Variants in ZBTB7C observed in about 807,000 individuals in gnomAD.
ZBTB7C encodes zinc finger and BTB domain-containing protein 7C.
ZBTB7C carries 8 observed loss-of-function variants against 25.7 expected under a neutral mutation model. That is an observed-to-expected ratio of 0.31 (90% CI 0.18 to 0.56). The LOEUF (loss-of-function observed/expected upper bound fraction) is 0.56, where lower values mean the gene tolerates loss of function less well. Among genes scored for constraint, ZBTB7C ranks in the 20% least tolerant of loss-of-function variants. The probability of loss-of-function intolerance (pLI) is 0.91; values close to 1 mark genes in which losing one functional copy is unlikely to be tolerated. For synonymous variants in ZBTB7C, 394 were observed against 369.0 expected, an observed-to-expected ratio of 1.07 and a Z score of -0.78; for missense variants, 824 against 855.2, an observed-to-expected ratio of 0.96 and a Z score of 0.46.
chr18:48,140,526 G>A (rs73955212), intron 3 of ZBTB7C, among the ~76,000 whole-genome samples: 82 of 152,334 alleles, frequency 5.4e-4, no homozygotes, highest in African/African-American at 1.7e-3. Flanking sequence ...TGGGGTTCAA[G>A]CTCTGGCTCT....
chr18:48,224,615 G>A lies in ZBTB7C; in HGVS notation c.-78-38620C>T, dbSNP rs149382391. ...TTTCCAGAACTCTGTTCCAGTACTG[G>A]GTGCTGATATGAGGGGCTCTGTCTG... On this transcript the variant is annotated intron_variant, in intron 2 of 4. Transcript: ENST00000590800. Among the ~76,000 whole-genome samples the A allele has an allele frequency of 2.1e-3, 314 of 152,238 alleles. 1 individual carries two copies. Among genetic ancestry groups the A allele is most frequent in the African/African-American group, 7.3e-3 (304 of 41,552 alleles).
At chr18:48,380,944 C>T (rs2047622522) in intron 1 of ZBTB7C, among the ~76,000 whole-genome samples, 1 of 152,122 alleles carries the variant, frequency 6.6e-6, no homozygotes, top group Non-Finnish European at 1.5e-5. Context: ...CTCCTACCAC[C>T]TTTTGGAGAG....
chr18:48,323,901 C>G lies in ZBTB7C; in HGVS notation c.-79+14273G>C, dbSNP rs74517147. 8.9e-3 allele frequency among the ~76,000 whole-genome samples: 1,354 copies of G among 152,148 alleles called. 28 individuals are homozygous for G. The highest frequency in any genetic ancestry group is 0.039 in the East Asian group (201 of 5,166). On this transcript the variant is annotated intron_variant, in intron 2 of 4. Coordinates refer to ENST00000590800, the MANE Select transcript of ZBTB7C (RefSeq NM_001318841.2). ...CTCCCAAAACTCATATGCTGAAACC[C>G]TAATCGCAATGGTGATGGGATTAGG... is the stretch of plus-strand genomic sequence containing the variant.
chr18:48,286,649 C>G (rs555474920), intron 2 of ZBTB7C, among the ~76,000 whole-genome samples: 1 of 152,246 alleles, frequency 6.6e-6, no homozygotes, highest in South Asian at 2.1e-4. Context: ...AAACTCTTGT[C>G]AAACAGATAC....
intron 3 of ZBTB7C, among the ~76,000 whole-genome samples, chr18:48,064,998 C>T (rs1288747664): frequency 3.3e-5 from 5 of 152,212 alleles, no homozygotes; most frequent in Admixed American, 1.3e-4. Flanking sequence ...CAGACTTTAA[C>T]CGCCAAACAT....
chr18:48,401,435 G>A (rs1014879383), intron 1 of ZBTB7C, among the ~76,000 whole-genome samples: 4 of 152,104 alleles, frequency 2.6e-5, no homozygotes, highest in African/African-American at 7.2e-5. Context: ...CTGCATAGGT[G>A]AGGAAACTGA....
At chr18:48,293,252 C>T (rs80284527) in intron 2 of ZBTB7C, among the ~76,000 whole-genome samples, 4,730 of 152,294 alleles carry the variant, frequency 0.031, 101 homozygotes, top group East Asian at 0.04. Flanking sequence ...CATGTCCTCA[C>T]TTGGCCTTCC....
intron 2 of ZBTB7C, among the ~76,000 whole-genome samples, chr18:48,288,322 C>T (rs2045117836): frequency 6.6e-6 from 1 of 152,154 alleles, no homozygotes; most frequent in African/African-American, 2.4e-5. Context: ...CATGGAGGCA[C>T]AACCTTCATG....
At chr18:48,338,979 A>T (rs565864892) in intron 1 of ZBTB7C, among the ~76,000 whole-genome samples, 2 of 151,604 alleles carry the variant, frequency 1.3e-5, no homozygotes, top group East Asian at 3.9e-4. Context: ...ATAGTTCGTC[A>T]TCTCAGAGTG....
At chr18:48,036,359 ACGTC>A (rs1324228428) in intron 4 of ZBTB7C, among the ~76,000 whole-genome samples, 1 of 152,178 alleles carries the variant, frequency 6.6e-6, no homozygotes, top group Non-Finnish European at 1.5e-5. Flanking sequence ...GGTCATTAGT[ACGTC>A]CCCGTGGGGT....
intron 1 of ZBTB7C, among the ~76,000 whole-genome samples, chr18:48,342,383 C>T (rs1201692352): frequency 6.6e-6 from 1 of 152,198 alleles, no homozygotes; most frequent in Non-Finnish European, 1.5e-5. Flanking sequence ...TTCTCTGCCA[C>T]AGGAGACCCA....
intron 3 of ZBTB7C, among the ~76,000 whole-genome samples, chr18:48,113,708 G>T (rs2039326784): frequency 6.6e-6 from 1 of 152,234 alleles, no homozygotes; most frequent in Non-Finnish European, 1.5e-5. Context: ...CCTCCACACA[G>T]ATTCCATCTC....
intron 3 of ZBTB7C, among the ~76,000 whole-genome samples, chr18:48,155,049 A>G (rs183656241): frequency 1.3e-5 from 2 of 152,220 alleles, no homozygotes; most frequent in Admixed American, 1.3e-4. Flanking sequence ...CCCTTACCCT[A>G]TATTCTCATT....
At chr18:48,361,546 T>G (rs1455196803) in intron 1 of ZBTB7C, among the ~76,000 whole-genome samples, 1 of 152,220 alleles carries the variant, frequency 6.6e-6, no homozygotes, top group African/African-American at 2.4e-5. Flanking sequence ...ATAAACATGC[T>G]TCCTAAATGT....
intron 2 of ZBTB7C, among the ~76,000 whole-genome samples, chr18:48,318,332 C>T (rs931379680): frequency 6.6e-6 from 1 of 152,182 alleles, no homozygotes; most frequent in African/African-American, 2.4e-5. Flanking sequence ...CAAGTCCTCC[C>T]CTGCCCCCAT....
At chr18:48,119,305 T>C (rs1178400659) in intron 3 of ZBTB7C, among the ~76,000 whole-genome samples, 1 of 152,248 alleles carries the variant, frequency 6.6e-6, no homozygotes, top group Non-Finnish European at 1.5e-5. Flanking sequence ...TTGAGACTGA[T>C]AAATTGTTTC....
At chr18:48,190,649 G>A (rs1271083328) in intron 2 of ZBTB7C, among the ~76,000 whole-genome samples, 5 of 152,146 alleles carry the variant, frequency 3.3e-5, no homozygotes, top group Admixed American at 6.5e-5. Flanking sequence ...GGATGGTTTG[G>A]GGACAGTGGG....
At chr18:48,048,862 G>C (rs1015349615) in intron 3 of ZBTB7C, among the ~76,000 whole-genome samples, 1 of 152,074 alleles carries the variant, frequency 6.6e-6, no homozygotes, top group Admixed American at 6.5e-5. Flanking sequence ...CTTGTCTCAG[G>C]TACTTCTAAC....
In ZBTB7C at chr18:48,029,720, A is replaced by C; in HGVS notation, c.1400T>G (p.Ile467Ser). Reference sequence around the variant, plus strand: ...TGCCATGCGGCAGCTCTGGCGCTTGATGTGGCGGTGCAGGTGGTCAGAGCG... The same window carrying C: ...TGCCATGCGGCAGCTCTGGCGCTTGCTGTGGCGGTGCAGGTGGTCAGAGCG... ...FTRSDHLHRH[I>S]KRQSCRMARP... Residue 467 changes from isoleucine to serine, a missense_variant, in exon 5 of 5, where the codon ATC (isoleucine) becomes AGC (serine). Physicochemically the swap from Ile to Ser is moderately radical, Grantham distance 142 (BLOSUM62 -2). Around this residue, in one of 4 missense-constraint regions of ZBTB7C, gnomAD observed 342 missense variants for 307.0 expected, o/e 1.11. Transcript: ENST00000590800. 6.2e-7 allele frequency: 1 copy of C among 1,602,994 alleles called. No individual in the cohort carries two copies. The highest frequency in any genetic ancestry group is 8.5e-7 in the Non-Finnish European group (1 of 1,177,964).
Sources: allele counts gnomAD v4.1 joint callset (sites outside exome capture counted in the v4.1 genomes callset), GRCh38; gene constraint gnomAD v4.1.1; regional missense constraint gnomAD v4.1.1; transcripts MANE v1.5; gene names NCBI Gene and HGNC (gene_info 2026-07-23, HGNC 2026-07-21).